Variants in NBEA observed in about 807,000 individuals in gnomAD.
The protein encoded by NBEA is lysosomal-trafficking regulator 2.
A neutral mutation model predicts 343.4 loss-of-function variants in NBEA; 44 were observed. The ratio of observed to expected loss-of-function variants is 0.13; its 90% CI spans 0.10 to 0.16. NBEA has a LOEUF of 0.16. Ranked by LOEUF, NBEA falls within the 10% of genes least tolerant of loss-of-function variation. NBEA has a pLI of 1.00. For missense variants in NBEA, 2,555 were observed against 3,631.3 expected (o/e 0.70, Z 7.62); for synonymous variants, 1,175 against 1,238.7 (o/e 0.95, Z 1.08).
rs904111694 is a variant in NBEA, at chr13:35,582,923, C to T, written c.7036-975C>T. Among the ~76,000 whole-genome samples, 3 of 152,182 alleles carry T rather than the reference C, an allele frequency of 2.0e-5. No homozygotes were observed. The East Asian group carries it at 5.8e-4, about 29-fold the overall frequency. On this transcript the variant is annotated intron_variant, in intron 45 of 58. Coordinates refer to ENST00000379939, the MANE Select transcript of NBEA (RefSeq NM_001385012.1). ...TACTACTTCTCTTGTTAAAATTAAG[C>T]CTTCGAGGGATCTTCATAGTTAATT...
chr13:35,226,761 C>T (rs1364236567), intron 33 of NBEA, among the ~76,000 whole-genome samples: 1 of 150,518 alleles, frequency 6.6e-6, no homozygotes, highest in Non-Finnish European at 1.5e-5. Context: ...CTAAGGGCAT[C>T]CCCAAAAAAG....
Position 35,182,407 on chromosome 13 carries a change from C to T in NBEA, c.4710C>T (p.Phe1570=). 6.2e-7 allele frequency: 1 copy of T among 1,610,756 alleles called. No homozygotes were observed. The highest frequency in any genetic ancestry group is 1.1e-5 in the South Asian group (1 of 90,964). Residue 1570 remains phenylalanine (F), a synonymous_variant, in exon 29 of 59, where the codon TTC becomes TTT. Transcript: ENST00000379939. ...AQFLALAVVY[F]ISVLMVSKYR... ...TCTTAGCTCTGGCTGTTGTTTACTT[C>T]ATTTCGGTTCTGATGGTTTCCAAGT...
chr13:35,275,461 A>G (rs2034513025), intron 34 of NBEA, among the ~76,000 whole-genome samples: 1 of 152,218 alleles, frequency 6.6e-6, no homozygotes, highest in Non-Finnish European at 1.5e-5. Flanking sequence ...CTTCATGACT[A>G]AAACACCAAA....
intron 45 of NBEA, among the ~76,000 whole-genome samples, chr13:35,571,466 T>A (rs1021820533): frequency 3.3e-5 from 5 of 151,284 alleles, no homozygotes; most frequent in Non-Finnish European, 4.4e-5. Context: ...GTTTTCTAAA[T>A]TCTCTGAACT....
chr13:34,970,619 A>G (rs1357214969), intron 1 of NBEA, among the ~76,000 whole-genome samples: 1 of 152,156 alleles, frequency 6.6e-6, no homozygotes, highest in East Asian at 1.9e-4. Context: ...TTATCTTAGC[A>G]CCATTTATTG....
intron 6 of NBEA, 85 bp from the exon 7 acceptor site, chr13:35,055,925 G>A (rs1426583402): frequency 1.0e-5 from 11 of 1,102,940 alleles, no homozygotes; most frequent in Middle Eastern, 2.8e-4. Flanking sequence ...GCATATTCTT[G>A]TAGGGTTTTA....
chr13:35,071,594 T>TTA (rs1170433898), intron 10 of NBEA, among the ~76,000 whole-genome samples: 2 of 152,162 alleles, frequency 1.3e-5, no homozygotes, highest in African/African-American at 2.4e-5. Flanking sequence ...AATGGGCAAG[T>TTA]TATATAGATA....
intron 48 of NBEA, among the ~76,000 whole-genome samples, chr13:35,611,323 A>G (rs1399772465): frequency 6.6e-6 from 1 of 152,246 alleles, no homozygotes; most frequent in Non-Finnish European, 1.5e-5. Context: ...AATAAACTAT[A>G]GTAACTCCAT....
chr13:34,942,707 C>T lies in NBEA; in HGVS notation c.-114C>T. The T allele has an allele frequency of 7.6e-6, 6 of 789,040 alleles. No homozygotes were observed. The highest frequency in any genetic ancestry group is 1.0e-5 in the Non-Finnish European group (6 of 586,878). 48.9% of individuals were successfully genotyped at this position (789,040 alleles called of 1,614,324 possible). On this transcript the variant is annotated 5_prime_UTR_variant, in exon 1 of 59. Transcript: ENST00000379939. ...GGGGAGCGGGCCCGGCGCCGCGGCG[C>T]TGGTGGATGCTGGGGCTCCGAGGCG...
intron 40 of NBEA, among the ~76,000 whole-genome samples, chr13:35,462,019 T>C (rs1302417471): frequency 6.6e-6 from 1 of 152,226 alleles, no homozygotes; most frequent in African/African-American, 2.4e-5. Context: ...GAATAGAATC[T>C]GATTAGAATA....
rs374224750 is a variant in NBEA at position 35,550,952 on chromosome 13, T to C, written c.6726T>C (p.Pro2242=). 7 of 1,608,714 alleles carry C rather than the reference T, an allele frequency of 4.4e-6. No homozygotes were observed. The highest frequency in any genetic ancestry group is 6.0e-6 in the Non-Finnish European group (7 of 1,175,924). The change falls in exon 43 of 59, where the codon CCT becomes CCC. Residue 2242 remains proline (P), a synonymous_variant. Transcript: ENST00000379939. ...CAGCCTCAGTTATGTTTAATTTCCCTGATCAAGCAACAGTAAAAAAAGTTG... is the reference window on the plus strand; with the variant it reads ...CAGCCTCAGTTATGTTTAATTTCCCCGATCAAGCAACAGTAAAAAAAGTTG... ...ANRTSVMFNF[P]DQATVKKVVY...
chr13:35,308,472 A>ATG (rs1229987422), intron 35 of NBEA, among the ~76,000 whole-genome samples: 5 of 98,452 alleles, frequency 5.1e-5, no homozygotes, highest in African/African-American at 1.3e-4. Flanking sequence ...ATATATATAT[A>ATG]TGTATATATA....
At chr13:35,197,783 C>T (rs540691897) in intron 31 of NBEA, among the ~76,000 whole-genome samples, 10 of 152,184 alleles carry the variant, frequency 6.6e-5, no homozygotes, top group African/African-American at 1.4e-4. Context: ...TACAGGCGTG[C>T]GCCACCGCAC....
At position 35,353,581 on chromosome 13, in the gene NBEA, A is replaced by C. The variant is rs114125792; in HGVS notation, c.6179+1258A>C. 2.1e-3 allele frequency among the ~76,000 whole-genome samples: 323 copies of C among 152,336 alleles called. 1 individual carries two copies. The highest frequency in any genetic ancestry group is 7.3e-3 in the African/African-American group (303 of 41,592). The stretch of plus-strand genomic sequence containing the variant: ...GGTAAAATTATAACATGTGTCTTTA[A>C]AATAGTCAGCATTTAATATTTATCA... On this transcript the variant is annotated intron_variant, in intron 38 of 58. Transcript: ENST00000379939.
At chr13:35,255,771 G>A (rs977218246) in intron 34 of NBEA, among the ~76,000 whole-genome samples, 1 of 152,242 alleles carries the variant, frequency 6.6e-6, no homozygotes, top group Non-Finnish European at 1.5e-5. Context: ...ACAGTGTGGT[G>A]AGCGGGGGTG....
At position 35,566,896 on chromosome 13, in the gene NBEA, CT is replaced by C. The variant is rs772264566; in HGVS notation, c.6923-6del. The C allele has an allele frequency of 9.3e-6, 14 of 1,497,372 alleles. No homozygotes were observed. In the African/African-American group the frequency reaches 1.7e-4, roughly 18 times the overall value. The allele number at this position is 1,497,372 out of a possible 1,614,324, so 92.8% of individuals were successfully genotyped here. Reference sequence around the variant, plus strand: ...TGTACAAATTTTTATTTCTGTTTTTCTTTACTAGGACGGACATATAATGATC... The same window carrying C: ...TGTACAAATTTTTATTTCTGTTTTTCTTACTAGGACGGACATATAATGATC... On this transcript the variant is annotated splice_region_variant and splice_polypyrimidine_tract_variant and intron_variant, in intron 44 of 58. Transcript: ENST00000379939.
At position 35,372,740 on chromosome 13, in the gene NBEA, G is replaced by T. The variant is rs1358902967; in HGVS notation, c.6179+20417G>T. On this transcript the variant is annotated intron_variant, in intron 38 of 58. Coordinates refer to ENST00000379939, the MANE Select transcript of NBEA (RefSeq NM_001385012.1). ...ATGTGCAGTGGCACCATTTCTGGGG[G>T]CAGTGGGGATGCTACCAGTGGCTTG... 2.6e-5 allele frequency among the ~76,000 whole-genome samples: 4 copies of T among 152,094 alleles called. 1 individual carries two copies. Among genetic ancestry groups the T allele is most frequent in the Non-Finnish European group, 5.9e-5 (4 of 68,024 alleles).
chr13:35,195,950 C>T lies in NBEA; in HGVS notation c.5014C>T (p.His1672Tyr). The T allele has an allele frequency of 1.9e-6, 3 of 1,613,442 alleles. No homozygotes were observed. The highest frequency in any genetic ancestry group is 1.1e-5 in the South Asian group (1 of 91,062). The part of the protein sequence containing the change: ...EDIQVESSIP[H>Y]TDSGIGEEQV... ...TATTCAGGTAGAAAGTTCAATTCCCCATACAGATTCAGGAATTGGAGAGGA... is the reference window on the plus strand; with the variant it reads ...TATTCAGGTAGAAAGTTCAATTCCCTATACAGATTCAGGAATTGGAGAGGA... The change falls in exon 31 of 59, where the codon CAT becomes TAT. Residue 1672 changes from histidine (H) to tyrosine (Y), a missense_variant. By Grantham distance (83) the His-to-Tyr change is moderately conservative. Around this residue, in one of 21 missense-constraint regions of NBEA, gnomAD observed 270 missense variants for 293.3 expected, o/e 0.92. Transcript: ENST00000379939.
chr13:35,130,810 A>G (rs1566334925), intron 17 of NBEA, among the ~76,000 whole-genome samples: 1 of 152,106 alleles, frequency 6.6e-6, no homozygotes, highest in Non-Finnish European at 1.5e-5. Context: ...TTCTCTGCAA[A>G]CAGTGCAATT....
Sources: allele counts gnomAD v4.1 joint callset (sites outside exome capture counted in the v4.1 genomes callset), GRCh38; gene constraint gnomAD v4.1.1; regional missense constraint gnomAD v4.1.1; transcripts MANE v1.5; gene names NCBI Gene and HGNC (gene_info 2026-07-23, HGNC 2026-07-21).